The following PRUNE2 variants were observed in gnomAD, a reference collection of about 807,000 sequenced individuals.
PRUNE2 encodes the protein protein prune homolog 2.
PRUNE2 carries 164 observed loss-of-function variants against 252.0 expected under a neutral mutation model. That is an observed-to-expected ratio of 0.65 (90% CI 0.57 to 0.74). The LOEUF (loss-of-function observed/expected upper bound fraction) is 0.74, where lower values mean the gene tolerates loss of function less well. PRUNE2 is among the 30% of genes least tolerant of loss of function. PRUNE2 has a pLI of 0.00. For missense variants in PRUNE2, 3,495 were observed against 3,711.0 expected (o/e 0.94, Z 1.51); for synonymous variants, 1,292 against 1,350.2 (o/e 0.96, Z 0.94).
At chr9:76,861,400 T>A (rs2060537729) in intron 1 of PRUNE2, among the ~76,000 whole-genome samples, 1 of 152,196 alleles carries the variant, frequency 6.6e-6, no homozygotes, top group Admixed American at 6.5e-5. Context: ...ATTTAAAATC[T>A]GTTATTCGAG....
chr9:76,795,675 T>C (rs992781227), intron 6 of PRUNE2, among the ~76,000 whole-genome samples: 1 of 152,144 alleles, frequency 6.6e-6, no homozygotes, highest in Non-Finnish European at 1.5e-5. Flanking sequence ...GGGAGATAAA[T>C]GCAAATATTT....
At chr9:76,700,919 T>C (rs900665240) in intron 9 of PRUNE2, among the ~76,000 whole-genome samples, 3 of 152,252 alleles carry the variant, frequency 2.0e-5, no homozygotes, top group Non-Finnish European at 2.9e-5. Flanking sequence ...AGCCTGTAGT[T>C]AGTACCCATT....
intron 6 of PRUNE2, among the ~76,000 whole-genome samples, chr9:76,768,034 A>G (rs765857888): frequency 6.6e-6 from 1 of 152,166 alleles, no homozygotes; most frequent in South Asian, 2.1e-4. Flanking sequence ...CGTGCATCAC[A>G]GCGGCAGGTC....
chr9:76,871,714 C>T (rs2133084451), intron 1 of PRUNE2, among the ~76,000 whole-genome samples: 1 of 152,290 alleles, frequency 6.6e-6, no homozygotes, highest in African/African-American at 2.4e-5. Context: ...CTGCAACCTC[C>T]ACCTCCTGGT....
intron 9 of PRUNE2, among the ~76,000 whole-genome samples, chr9:76,699,100 A>G (rs1418132496): frequency 7.2e-6 from 1 of 139,688 alleles, no homozygotes; most frequent in African/African-American, 2.6e-5. Context: ...CATCAGTTGA[A>G]TATCATCCCT....
intron 4 of PRUNE2, among the ~76,000 whole-genome samples, chr9:76,830,204 G>A (rs1589446191): frequency 6.6e-6 from 1 of 152,148 alleles, no homozygotes; most frequent in Non-Finnish European, 1.5e-5. Flanking sequence ...ATACAGAGAT[G>A]AGCTTAAGAG....
At chr9:76,888,502 G>A (rs183911222) in intron 1 of PRUNE2, among the ~76,000 whole-genome samples, 2 of 151,900 alleles carry the variant, frequency 1.3e-5, no homozygotes, top group East Asian at 3.9e-4. Context: ...GCTTGAACCC[G>A]AGAGGTGGAG....
At chr9:76,649,165 G>C (rs1309431326) in intron 11 of PRUNE2, among the ~76,000 whole-genome samples, 1 of 152,164 alleles carries the variant, frequency 6.6e-6, no homozygotes, top group Non-Finnish European at 1.5e-5. Flanking sequence ...AAAGCAAAAA[G>C]CATTAATGAA....
chr9:76,859,590 A>G (rs1412524041), intron 1 of PRUNE2, among the ~76,000 whole-genome samples: 1 of 152,126 alleles, frequency 6.6e-6, no homozygotes, highest in African/African-American at 2.4e-5. Flanking sequence ...CAAATATATC[A>G]GCCATGAAAG....
chr9:76,716,073 T>C (rs1033726935), intron 6 of PRUNE2, among the ~76,000 whole-genome samples: 13 of 152,168 alleles, frequency 8.5e-5, no homozygotes, highest in African/African-American at 3.1e-4. Flanking sequence ...AACAAAATTC[T>C]CACTACACTC....
chr9:76,648,622 AC>A (rs1434937637), intron 11 of PRUNE2, among the ~76,000 whole-genome samples: 8 of 152,210 alleles, frequency 5.3e-5, no homozygotes, highest in Non-Finnish European at 7.3e-5. Flanking sequence ...AACTATGGAG[AC>A]AGTAAAAGCA....
intron 6 of PRUNE2, among the ~76,000 whole-genome samples, chr9:76,808,212 T>G (rs1215535404): frequency 6.6e-6 from 1 of 152,132 alleles, no homozygotes; most frequent in Non-Finnish European, 1.5e-5. Context: ...CCTTCCAGCT[T>G]TTTTGCTTTG....
intron 6 of PRUNE2, among the ~76,000 whole-genome samples, chr9:76,720,847 C>T (rs1854439): frequency 0.46 from 65,655 of 143,228 alleles, 14,562 homozygotes; most frequent in Admixed American, 0.58. Flanking sequence ...ATGAAGTAAA[C>T]TCATATAAAA....
At chr9:76,762,873 A>G (rs905949697) in intron 6 of PRUNE2, among the ~76,000 whole-genome samples, 1 of 152,236 alleles carries the variant, frequency 6.6e-6, no homozygotes, top group African/African-American at 2.4e-5. Context: ...CAGGCAGAGC[A>G]ATCCTCAAAA....
chr9:76,650,354 A>G (rs1411758231), intron 11 of PRUNE2, among the ~76,000 whole-genome samples: 4 of 151,718 alleles, frequency 2.6e-5, no homozygotes, highest in Non-Finnish European at 5.9e-5. Context: ...AAAAGTATTC[A>G]TTAAAAGAAA....
Position 76,850,636 on chromosome 9 carries a change from T to C in PRUNE2, c.171A>G (p.Pro57=). The C allele has an allele frequency of 6.2e-7, 1 of 1,614,004 alleles. No homozygotes were observed. Among genetic ancestry groups the C allele is most frequent in the Non-Finnish European group, 8.5e-7 (1 of 1,179,892 alleles). The part of the protein sequence containing the change: ...KVSPPGVLCL[P]VLNIPRTEFN... ...ATTCAGTTCTTGGTATGTTCAGCAC[T>C]GGTAAACACAGAACCCCTGGTGGAC... The change falls in exon 3 of 19, where the codon CCA becomes CCG. Residue 57 remains proline (P), a synonymous_variant. Transcript: ENST00000376718.
At chr9:76,702,828 A>G (rs2046000844) in intron 9 of PRUNE2, among the ~76,000 whole-genome samples, 1 of 152,164 alleles carries the variant, frequency 6.6e-6, no homozygotes, top group African/African-American at 2.4e-5. Context: ...GAGAAAGTAC[A>G]GGCTTTGGAG....
chr9:76,808,940 G>A (rs2057167001), intron 6 of PRUNE2: 2 of 152,178 alleles, frequency 1.3e-5, no homozygotes, highest in South Asian at 4.1e-4. Flanking sequence ...AAACACTAGG[G>A]GTAAGTCCAT....
Position 76,618,892 on chromosome 9 carries a change from T to A in PRUNE2, c.9236+448A>T, listed in dbSNP as rs536360445. 5.3e-5 allele frequency among the ~76,000 whole-genome samples: 8 copies of A among 152,312 alleles called. No individual in the cohort carries two copies. The South Asian group carries it at 1.7e-3, about 32-fold the overall frequency. On this transcript the variant is annotated intron_variant, in intron 18 of 18. Transcript: ENST00000376718. The stretch of plus-strand genomic sequence containing the variant: ...TCTCACAGGATGGCAATCCTCTAAA[T>A]AGATCATTCCTACAGTCTCATACAG...
Sources: allele counts gnomAD v4.1 joint callset (sites outside exome capture counted in the v4.1 genomes callset), GRCh38; gene constraint gnomAD v4.1.1; transcripts MANE v1.5; gene names NCBI Gene and HGNC (gene_info 2026-07-23, HGNC 2026-07-21).